The following NXN variants were observed in gnomAD, a reference collection of about 807,000 sequenced individuals.
The protein encoded by NXN is nucleoredoxin, also known as nucleoredoxin 1.
Under a neutral mutation model 48.6 loss-of-function variants are expected in NXN, and 16 were observed. The ratio of observed to expected loss-of-function variants is 0.33; its 90% CI spans 0.22 to 0.50. The LOEUF (loss-of-function observed/expected upper bound fraction) is 0.50. Ranked by LOEUF, NXN falls within the 20% of genes least tolerant of loss-of-function variation. The probability of loss-of-function intolerance (pLI) is 0.98; values close to 1 mark genes in which losing one functional copy is unlikely to be tolerated. For synonymous variants in NXN, 281 were observed against 269.6 expected (o/e 1.04, Z -0.41); for missense variants, 492 against 605.5 (o/e 0.81, Z 1.97).
intron 1 of NXN, among the ~76,000 whole-genome samples, chr17:869,629 T>G (rs1469754622): frequency 1.3e-5 from 2 of 152,246 alleles, no homozygotes; most frequent in Admixed American, 1.3e-4. Flanking sequence ...TTCAATGAAA[T>G]CACTCAGGGA....
chr17:903,290 C>T (rs2068553858), intron 1 of NXN, among the ~76,000 whole-genome samples: 1 of 152,136 alleles, frequency 6.6e-6, no homozygotes, highest in Non-Finnish European at 1.5e-5. Context: ...ACTGCAACCT[C>T]CTCTTCCAGT....
chr17:924,240 T>TTTA (rs144165787), intron 1 of NXN, among the ~76,000 whole-genome samples: 1 of 149,284 alleles, frequency 6.7e-6, no homozygotes. Context: ...GGACAGCTTA[T>TTTA]TTATTTATTT....
intron 1 of NXN, among the ~76,000 whole-genome samples, chr17:835,561 C>T (rs56228575): frequency 0.098 from 14,956 of 152,148 alleles, 778 homozygotes; most frequent in South Asian, 0.17. Flanking sequence ...TTGGAACTAT[C>T]CTAGGAATGC....
intron 1 of NXN, among the ~76,000 whole-genome samples, chr17:928,804 C>G (rs1198583586): frequency 6.6e-6 from 1 of 152,014 alleles, no homozygotes; most frequent in Non-Finnish European, 1.5e-5. Context: ...CCACTGCGCT[C>G]CAGCCTGGGT....
intron 1 of NXN, among the ~76,000 whole-genome samples, chr17:967,985 A>C (rs566816571): frequency 1.3e-3 from 205 of 152,296 alleles, no homozygotes; most frequent in Non-Finnish European, 2.4e-3. Flanking sequence ...AAAAAAAAAA[A>C]ATTAGGAGAC....
chr17:803,707 G>A lies in NXN; in HGVS notation c.1100C>T (p.Pro367Leu). Residue 367 changes from proline (P) to leucine (L), a missense_variant, in exon 7 of 8, where the codon CCC (proline) becomes CTC (leucine). Transcript: ENST00000336868. ...AKYKAKEEEAPLLFFVAGEDD... is the reference protein window; with the variant it reads ...AKYKAKEEEALLLFFVAGEDD... Reference sequence around the variant, plus strand: ...CTCCCCGGCTACGAAGAACAGAAGGGGTGCCTCCTCCTCTTTGGCTTTGTA... The same window carrying A: ...CTCCCCGGCTACGAAGAACAGAAGGAGTGCCTCCTCCTCTTTGGCTTTGTA... 6.2e-7 allele frequency: 1 copy of A among 1,614,168 alleles called. No homozygotes were observed. Among genetic ancestry groups the A allele is most frequent in the Non-Finnish European group, 8.5e-7 (1 of 1,180,022 alleles).
At chr17:916,142 C>A (rs958406120) in intron 1 of NXN, among the ~76,000 whole-genome samples, 13 of 152,206 alleles carry the variant, frequency 8.5e-5, no homozygotes, top group Admixed American at 8.5e-4. Context: ...GGAAAAGTAA[C>A]CTCCAGCAAA....
chr17:807,998 T>C (rs944210163), intron 5 of NXN, among the ~76,000 whole-genome samples: 4 of 152,076 alleles, frequency 2.6e-5, no homozygotes, highest in African/African-American at 9.7e-5. Context: ...AGCCAGGCAG[T>C]GGTTACAGTA....
chr17:897,066 T>C lies in NXN; in HGVS notation c.361-70988A>G, dbSNP rs143020475. ...CGTCACTGTCACACACGCGTGAGCT[T>C]TGACAGCCAGGGACTGGTAACCCAC... On this transcript the variant is annotated intron_variant, in intron 1 of 7. Coordinates refer to ENST00000336868, the MANE Select transcript of NXN (RefSeq NM_022463.5). 3,179 of 1,069,460 alleles carry C rather than the reference T, an allele frequency of 3.0e-3. 12 individuals carry two copies. Among genetic ancestry groups the C allele is most frequent in the Non-Finnish European group, 3.4e-3 (2,972 of 877,170 alleles). The allele number at this position is 1,069,460 out of a possible 1,614,324, so 66.2% of individuals were successfully genotyped here.
chr17:896,785 A>C, intron 1 of NXN: 1 of 977,108 alleles, frequency 1.0e-6, no homozygotes, highest in Admixed American at 5.6e-5. Flanking sequence ...AAGCTTCCCT[A>C]AATTCTCTAC....
At chr17:959,175 T>A in intron 1 of NXN, 1 of 906,164 alleles carries the variant, frequency 1.1e-6, no homozygotes, top group Non-Finnish European at 1.5e-6. Context: ...GGAGAGGTGG[T>A]TCCCCGCCAC....
chr17:823,156 T>C (rs556053330), intron 3 of NXN, among the ~76,000 whole-genome samples: 37 of 150,330 alleles, frequency 2.5e-4, no homozygotes, highest in Admixed American at 2.2e-3. Flanking sequence ...CCCAGCACTT[T>C]GGGAGGCCGA....
intron 1 of NXN, among the ~76,000 whole-genome samples, chr17:931,385 G>A (rs1008145895): frequency 2.0e-5 from 3 of 151,150 alleles, no homozygotes; most frequent in Non-Finnish European, 2.9e-5. Context: ...CCTGGGAGAC[G>A]GAGGTTGTAG....
At chr17:867,326 G>A (rs1597676687) in intron 1 of NXN, among the ~76,000 whole-genome samples, 1 of 131,448 alleles carries the variant, frequency 7.6e-6, no homozygotes, top group African/African-American at 2.9e-5. Flanking sequence ...GGGTTCTCCG[G>A]GGAATCCTCC....
At chr17:904,057 C>G (rs2068560634) in intron 1 of NXN, among the ~76,000 whole-genome samples, 1 of 152,228 alleles carries the variant, frequency 6.6e-6, no homozygotes, top group Admixed American at 6.5e-5. Context: ...GTAGCATTAA[C>G]TTTAACGTAA....
intron 1 of NXN, among the ~76,000 whole-genome samples, chr17:972,739 C>T (rs536793417): frequency 6.6e-6 from 1 of 151,984 alleles, no homozygotes; most frequent in South Asian, 2.1e-4. Context: ...TATTTTAAAA[C>T]GTAGAATCAG....
chr17:946,560 G>A (rs1241865069), intron 1 of NXN, among the ~76,000 whole-genome samples: 3 of 152,180 alleles, frequency 2.0e-5, no homozygotes, highest in Non-Finnish European at 4.4e-5. Flanking sequence ...CAAGACCTGA[G>A]CTTGAGTTAT....
At chr17:954,054 A>T (rs2069140981) in intron 1 of NXN, among the ~76,000 whole-genome samples, 1 of 152,326 alleles carries the variant, frequency 6.6e-6, no homozygotes, top group African/African-American at 2.4e-5. Context: ...GCACACCAAG[A>T]TGATTCTTGA....
intron 1 of NXN, among the ~76,000 whole-genome samples, chr17:862,895 G>GT (rs2068055211): frequency 6.6e-6 from 1 of 152,162 alleles, no homozygotes; most frequent in African/African-American, 2.4e-5. Flanking sequence ...TGCTCTAAAC[G>GT]TATCAATGCT....
Sources: allele counts gnomAD v4.1 joint callset (sites outside exome capture counted in the v4.1 genomes callset), GRCh38; gene constraint gnomAD v4.1.1; transcripts MANE v1.5; gene names NCBI Gene and HGNC (gene_info 2026-07-23, HGNC 2026-07-21).